The following TRHDE variants were observed in gnomAD, a reference collection of about 807,000 sequenced individuals.
The protein encoded by TRHDE is thyrotropin releasing hormone degrading enzyme.
Under a neutral mutation model 125.7 loss-of-function variants are expected in TRHDE, and 72 were observed. The observed-to-expected ratio is 0.57, with a 90% CI of 0.47 to 0.70. The LOEUF (loss-of-function observed/expected upper bound fraction) is 0.70, where lower values mean the gene tolerates loss of function less well. Among genes scored for constraint, TRHDE ranks in the 30% least tolerant of loss-of-function variants. The pLI is 0.00. For missense variants in TRHDE, 1,110 were observed against 1,327.1 expected, an observed-to-expected ratio of 0.84 and a Z score of 2.54; for synonymous variants, 509 against 509.1, an observed-to-expected ratio of 1.00 and a Z score of 0.00.
chr12:72,601,136 A>G (rs1872188817), intron 12 of TRHDE, among the ~76,000 whole-genome samples: 1 of 152,108 alleles, frequency 6.6e-6, no homozygotes, highest in African/African-American at 2.4e-5. Flanking sequence ...GAGGAGGTCA[A>G]ATTATCAACA....
intron 2 of TRHDE, among the ~76,000 whole-genome samples, chr12:72,210,738 A>G (rs1490121950): frequency 6.6e-6 from 1 of 152,190 alleles, no homozygotes; most frequent in African/African-American, 2.4e-5. Flanking sequence ...AACAAGAAAC[A>G]TTTTCATTAC....
intron 5 of TRHDE, among the ~76,000 whole-genome samples, chr12:72,487,802 C>T (rs1186230658): frequency 6.6e-6 from 1 of 151,688 alleles, no homozygotes; most frequent in Admixed American, 6.6e-5. Flanking sequence ...GGTTAAAAGT[C>T]AAAAATAATT....
intron 6 of TRHDE, among the ~76,000 whole-genome samples, chr12:72,517,573 T>C (rs551262094): frequency 5.6e-4 from 86 of 152,324 alleles, no homozygotes; most frequent in Admixed American, 1.6e-3. Flanking sequence ...CTATCAGTTT[T>C]GTTGATCCTT....
chr12:72,490,006 AC>A (rs1451390655), intron 5 of TRHDE, among the ~76,000 whole-genome samples: 1 of 151,946 alleles, frequency 6.6e-6, no homozygotes, highest in East Asian at 1.9e-4. Context: ...ACTACATCAA[AC>A]TAAAAAGCTT....
rs1020058272 is a variant in TRHDE at position 72,575,163 on chromosome 12, A to G, written c.2132-92A>G. On this transcript the variant is annotated intron_variant, in intron 10 of 18. Transcript: ENST00000261180. ...TATTTAAGATGACATTCACTTAATT[A>G]TTGGTATTGTTATATCTGGCGTTAA... is the stretch of plus-strand genomic sequence containing the variant. 7.7e-6 allele frequency: 9 copies of G among 1,175,052 alleles called. No individual in the cohort carries two copies. The African/African-American group carries it at 1.4e-4, about 18-fold the overall frequency. 72.8% of individuals were successfully genotyped at this position (1,175,052 alleles called of 1,614,324 possible). A position where few individuals can be genotyped will look rare whatever the true frequency, so the allele number is the denominator to read the frequency against.
chr12:72,135,792 C>T (rs1227616780), intron 2 of TRHDE, among the ~76,000 whole-genome samples: 1 of 152,100 alleles, frequency 6.6e-6, no homozygotes, highest in Non-Finnish European at 1.5e-5. Context: ...TGTTGTGCTT[C>T]CATCCAGGTC....
In TRHDE at chr12:72,376,464, T is replaced by C. The variant is rs79516110; in HGVS notation, c.1189-1531T>C. 3.8e-3 allele frequency among the ~76,000 whole-genome samples: 574 copies of C among 152,308 alleles called. 4 individuals carry two copies. The highest frequency in any genetic ancestry group is 0.013 in the African/African-American group (535 of 41,574). ...TCAAGTTCTGCTGTTGCAGGTAGTCTCTCCTGATAGTTTTTGGTTTTCTAA... is the reference window on the plus strand; with the variant it reads ...TCAAGTTCTGCTGTTGCAGGTAGTCCCTCCTGATAGTTTTTGGTTTTCTAA... On this transcript the variant is annotated intron_variant, in intron 2 of 18. Coordinates refer to ENST00000261180, the MANE Select transcript of TRHDE (RefSeq NM_013381.3).
intron 2 of TRHDE, among the ~76,000 whole-genome samples, chr12:72,195,567 G>A (rs1213861043): frequency 1.3e-5 from 2 of 151,796 alleles, no homozygotes; most frequent in Admixed American, 6.6e-5. Flanking sequence ...GTCTGTTCAT[G>A]TCTTTTGACC....
chr12:72,344,834 G>A (rs1341695922), intron 2 of TRHDE, among the ~76,000 whole-genome samples: 3 of 151,940 alleles, frequency 2.0e-5, no homozygotes, highest in African/African-American at 7.3e-5. Context: ...TCTTATGGAT[G>A]AACACCCCTG....
chr12:72,266,466 T>C (rs1439141229), intron 2 of TRHDE, among the ~76,000 whole-genome samples: 2 of 151,758 alleles, frequency 1.3e-5, no homozygotes, highest in Non-Finnish European at 2.9e-5. Context: ...GGAATAATAA[T>C]GTTGTCAGGT....
intron 2 of TRHDE, among the ~76,000 whole-genome samples, chr12:72,317,916 G>A (rs781700391): frequency 4.6e-5 from 7 of 152,138 alleles, no homozygotes; most frequent in Non-Finnish European, 1.0e-4. Context: ...GTAGGAATGA[G>A]GCTGAAGAAC....
At chr12:72,097,626 T>A (rs1483397329) in intron 1 of TRHDE, among the ~76,000 whole-genome samples, 1 of 151,960 alleles carries the variant, frequency 6.6e-6, no homozygotes, top group Non-Finnish European at 1.5e-5. Context: ...ATGTTTTGAT[T>A]TTTTTGTAGA....
chr12:72,448,354 G>A (rs1488147449), intron 3 of TRHDE, among the ~76,000 whole-genome samples: 2 of 152,000 alleles, frequency 1.3e-5, no homozygotes, highest in African/African-American at 4.8e-5. Flanking sequence ...TAGCAATAAG[G>A]CTCTATTTAG....
intron 3 of TRHDE, among the ~76,000 whole-genome samples, chr12:72,464,033 C>G (rs1876250505): frequency 6.6e-6 from 1 of 152,156 alleles, no homozygotes; most frequent in Non-Finnish European, 1.5e-5. Context: ...AAACAAAAAG[C>G]TGCAAGGCTT....
At chr12:72,633,555 T>C (rs73146990) in intron 15 of TRHDE, among the ~76,000 whole-genome samples, 2,820 of 152,168 alleles carry the variant, frequency 0.019, 39 homozygotes, top group Non-Finnish European at 0.031. Context: ...GAAAGCTCCC[T>C]AGAAACAGAA....
upstream of TRHDE, among the ~76,000 whole-genome samples, chr12:72,271,151 G>A (rs1489785379): frequency 6.6e-6 from 1 of 152,200 alleles, no homozygotes; most frequent in Non-Finnish European, 1.5e-5. Context: ...ATTATCCTAT[G>A]GGGAAAACAT....
intron 2 of TRHDE, among the ~76,000 whole-genome samples, chr12:72,171,034 G>T (rs1446085471): frequency 6.6e-6 from 1 of 152,138 alleles, no homozygotes; most frequent in African/African-American, 2.4e-5. Context: ...AGACCAATAA[G>T]TTCTCTTCTA....
intron 12 of TRHDE, among the ~76,000 whole-genome samples, chr12:72,591,635 T>G (rs939820877): frequency 3.4e-5 from 5 of 145,828 alleles, no homozygotes; most frequent in Non-Finnish European, 5.9e-5. Context: ...GATATGGGTT[T>G]TTTTTTTTTT....
intron 2 of TRHDE, among the ~76,000 whole-genome samples, chr12:72,219,117 G>T (rs1340821818): frequency 2.0e-5 from 3 of 151,578 alleles, no homozygotes; most frequent in Non-Finnish European, 4.4e-5. Context: ...TTATTAAAAT[G>T]TGATAGTAAT....
Sources: gnomAD v4.1 joint callset for allele counts (sites outside exome capture counted in the v4.1 genomes callset) on GRCh38, gnomAD v4.1.1 for gene constraint, MANE v1.5 for transcripts, NCBI Gene and HGNC (gene_info 2026-07-23, HGNC 2026-07-21) for gene names.